MATN2: variants seen among roughly 807,000 people sequenced by gnomAD.
The protein encoded by MATN2 is matrilin 2, also known as matrilin-2.
A neutral mutation model predicts 103.2 loss-of-function variants in MATN2; 69 were observed. The ratio of observed to expected loss-of-function variants is 0.67; its 90% confidence interval spans 0.55 to 0.82. MATN2 has a LOEUF of 0.82. Ranked by LOEUF, MATN2 falls within the 40% of genes least tolerant of loss-of-function variation. The pLI is 0.00. For synonymous variants in MATN2, 429 were observed against 450.2 expected (o/e 0.95, Z 0.60); for missense variants, 1,023 against 1,211.5 (o/e 0.84, Z 2.31).
chr8:97,923,786 AC>A (rs1809895371), intron 2 of MATN2, among the ~76,000 whole-genome samples: 1 of 152,028 alleles, frequency 6.6e-6, no homozygotes, highest in Non-Finnish European at 1.5e-5. Flanking sequence ...CAAACTCCTA[AC>A]CTCAAGTGAT....
chr8:97,873,740 C>T (rs1817974463), intron 1 of MATN2, among the ~76,000 whole-genome samples: 1 of 152,046 alleles, frequency 6.6e-6, no homozygotes, highest in African/African-American at 2.4e-5. Flanking sequence ...CCTTTTTGGG[C>T]TTTCTCCCTC....
intron 4 of MATN2, among the ~76,000 whole-genome samples, chr8:97,945,736 A>ATATATATAT (rs1810734965): frequency 7.0e-6 from 1 of 143,288 alleles, no homozygotes. Context: ...ATATATATAT[A>ATATATATAT]ATCTCCCCAC....
Position 97,903,168 on chromosome 8 carries a change from T to C in MATN2, c.142+14926T>C, listed in dbSNP as rs550014938. 3.9e-5 allele frequency among the ~76,000 whole-genome samples: 6 copies of C among 152,322 alleles called. No homozygotes were observed. The East Asian group carries it at 1.2e-3, about 29-fold the overall frequency. The stretch of plus-strand genomic sequence containing the variant: ...CTGCTTATTGCACCATGTACAGTAA[T>C]CAACACAGACTTGCATCTGCTCTGA... On this transcript the variant is annotated intron_variant, in intron 2 of 18. Coordinates refer to ENST00000254898, the MANE Select transcript of MATN2 (RefSeq NM_002380.5).
intron 2 of MATN2, among the ~76,000 whole-genome samples, chr8:97,928,046 C>T (rs540728791): frequency 1.3e-5 from 2 of 152,234 alleles, no homozygotes; most frequent in South Asian, 4.1e-4. Context: ...GCAGTAAGTT[C>T]AGACATGAAG....
intron 1 of MATN2, among the ~76,000 whole-genome samples, chr8:97,883,679 A>G (rs1266768091): frequency 1.3e-5 from 2 of 151,700 alleles, no homozygotes; most frequent in Non-Finnish European, 2.9e-5. Flanking sequence ...CAGCCTCCTG[A>G]GTAGCTGGGG....
At chr8:97,912,875 G>A (rs999886479) in intron 2 of MATN2, among the ~76,000 whole-genome samples, 13 of 152,218 alleles carry the variant, frequency 8.5e-5, no homozygotes, top group African/African-American at 2.9e-4. Context: ...ACCAGGGCCA[G>A]TGCAGGAAAC....
intron 13 of MATN2, chr8:98,024,954 G>C (rs1252200129): frequency 6.6e-6 from 1 of 152,216 alleles, no homozygotes; most frequent in Non-Finnish European, 1.5e-5. Context: ...GTTTCCTGGA[G>C]AAGCCTTCTG....
rs534826491 is a variant in MATN2, at chr8:97,924,931, C to T, written c.143-6022C>T. On this transcript the variant is annotated intron_variant, in intron 2 of 18. Coordinates refer to ENST00000254898, the MANE Select transcript of MATN2 (RefSeq NM_002380.5). ...GCTTGGTGGTTAAGAGTGCAGACTA[C>T]GGAGCCATCACGATGGGTTCAGATC... Among the ~76,000 whole-genome samples the T allele has an allele frequency of 6.0e-4, 92 of 152,170 alleles. 1 individual carries two copies. Among genetic ancestry groups the T allele is most frequent in the Middle Eastern group, 3.4e-3 (1 of 294 alleles).
Position 98,027,696 on chromosome 8 carries a change from G to A in MATN2, c.2223G>A (p.Met741Ile). ...GSMTGLALKH[M>I]FERSFTQGEG... is the part of the protein sequence containing the mutation. ...TGACTGGGCTGGCCCTGAAACACAT[G>A]TTTGAGAGAAGTTTTACCCAAGGAG... The change falls in exon 14 of 19, where the codon ATG (methionine) becomes ATA (isoleucine). Residue 741 changes from methionine to isoleucine, a missense_variant. Met to Ile is a conservative substitution (Grantham distance 10). Coordinates refer to ENST00000254898, the MANE Select transcript of MATN2 (RefSeq NM_002380.5). 1 of 1,613,952 alleles carries A rather than the reference G, an allele frequency of 6.2e-7. No individual in the cohort carries two copies. Among genetic ancestry groups the A allele is most frequent in the Non-Finnish European group, 8.5e-7 (1 of 1,179,862 alleles).
At chr8:97,955,444 T>A (rs976740970) in intron 4 of MATN2, among the ~76,000 whole-genome samples, 16 of 152,194 alleles carry the variant, frequency 1.1e-4, no homozygotes, top group Non-Finnish European at 2.2e-4. Context: ...ACTTTCAAGT[T>A]TCTGTTCCCA....
chr8:97,882,632 A>G (rs141613584), intron 1 of MATN2, among the ~76,000 whole-genome samples: 180 of 152,244 alleles, frequency 1.2e-3, no homozygotes, highest in African/African-American at 3.6e-3. Context: ...CCTGGGCAGC[A>G]TGACCTGCTT....
intron 2 of MATN2, among the ~76,000 whole-genome samples, chr8:97,908,869 T>C (rs1053687155): frequency 3.3e-5 from 5 of 152,226 alleles, no homozygotes; most frequent in Non-Finnish European, 5.9e-5. Context: ...CCTCAGGTGA[T>C]CCACCGGCCT....
At chr8:97,994,685 C>A in intron 7 of MATN2, 83 bp downstream of exon 7, 1 of 1,422,836 alleles carries the variant, frequency 7.0e-7, no homozygotes, top group South Asian at 1.3e-5. Context: ...AAATCTTAAG[C>A]AAGATGTGCT....
intron 7 of MATN2, among the ~76,000 whole-genome samples, chr8:98,002,946 C>T (rs1009397307): frequency 3.9e-5 from 6 of 152,102 alleles, no homozygotes; most frequent in African/African-American, 9.7e-5. Flanking sequence ...TTGCAAAGCC[C>T]GCACGTCCAG....
intron 2 of MATN2, among the ~76,000 whole-genome samples, chr8:97,916,392 CTTTAAT>C (rs1271965237): frequency 2.6e-5 from 4 of 152,092 alleles, no homozygotes; most frequent in Non-Finnish European, 5.9e-5. Context: ...TTAATTTTAA[CTTTAAT>C]TTTAAGTTCA....
At chr8:98,032,893 C>A in intron 16 of MATN2, 149 bp from the exon 17 acceptor site, 1 of 586,462 alleles carries the variant, frequency 1.7e-6, no homozygotes, top group Non-Finnish European at 2.7e-6. Flanking sequence ...GTTTACTCCA[C>A]TGAAGATAAC....
chr8:97,997,242 C>T (rs1400715226), intron 7 of MATN2, among the ~76,000 whole-genome samples: 1 of 152,154 alleles, frequency 6.6e-6, no homozygotes, highest in Admixed American at 6.5e-5. Context: ...GTGAAGCCCA[C>T]GGGTTCGACT....
intron 13 of MATN2, 131 bp downstream of exon 13, chr8:98,021,458 A>C: frequency 2.0e-6 from 2 of 1,016,250 alleles, no homozygotes; most frequent in Non-Finnish European, 1.4e-6. Flanking sequence ...CAAATACAGA[A>C]TGGGGAAGAG....
intron 7 of MATN2, among the ~76,000 whole-genome samples, chr8:97,999,437 C>G (rs1191903100): frequency 6.6e-6 from 1 of 152,208 alleles, no homozygotes; most frequent in African/African-American, 2.4e-5. Context: ...GATCATTTCA[C>G]CTTTCCCTGA....
Sources: allele counts gnomAD v4.1 joint callset (sites outside exome capture counted in the v4.1 genomes callset), GRCh38; gene constraint gnomAD v4.1.1; transcripts MANE v1.5; gene names NCBI Gene and HGNC (gene_info 2026-07-23, HGNC 2026-07-21).